The following KDELR3 variants were observed in gnomAD, a reference collection of about 807,000 sequenced individuals.
KDELR3 encodes ER lumen protein-retaining receptor 3.
In KDELR3, 26 loss-of-function variants were observed where a neutral mutation model predicts 22.7. The ratio of observed to expected loss-of-function variants is 1.15; its 90% CI spans 0.84 to 1.59. The LOEUF (loss-of-function observed/expected upper bound fraction) is 1.59. Ranked by LOEUF, KDELR3 falls within the 40% of genes most tolerant of loss-of-function variation. The pLI, the probability that KDELR3 is intolerant of heterozygous loss-of-function variation, is 0.00. For missense variants in KDELR3, 289 were observed against 251.1 expected (o/e 1.15, Z -1.02); for synonymous variants, 120 against 98.2 (o/e 1.22, Z -1.31).
intron 2 of KDELR3, among the ~76,000 whole-genome samples, chr22:38,478,924 T>A (rs1254223832): frequency 6.6e-6 from 1 of 152,034 alleles, no homozygotes; most frequent in Non-Finnish European, 1.5e-5. Flanking sequence ...ATTACAGGTG[T>A]GAGCCTCCAC....
intron 2 of KDELR3, among the ~76,000 whole-genome samples, chr22:38,479,089 G>A (rs1031991016): frequency 2.6e-5 from 4 of 152,064 alleles, no homozygotes; most frequent in Admixed American, 2.0e-4. Flanking sequence ...TTAGTTCAAG[G>A]GATGTTAGCA....
chr22:38,481,687 T>G lies in KDELR3; in HGVS notation c.604+223T>G, dbSNP rs1447375620. On this transcript the variant is annotated intron_variant, in intron 4 of 4. Coordinates refer to ENST00000216014, the MANE Select transcript of KDELR3 (RefSeq NM_006855.4). ...TATGCAAGACAGCTGTGAGATGACATTTGACAGAATACTTGGTTAGTAGTG... is the reference window on the plus strand; with the variant it reads ...TATGCAAGACAGCTGTGAGATGACAGTTGACAGAATACTTGGTTAGTAGTG... 4 of 1,356,484 alleles carry G rather than the reference T, an allele frequency of 2.9e-6. No individual in the cohort carries two copies. The African/African-American group carries it at 4.4e-5, about 15-fold the overall frequency. The allele number at this position is 1,356,484 out of a possible 1,614,324, so 84.0% of individuals were successfully genotyped here. A position where few individuals can be genotyped will look rare whatever the true frequency, so the allele number is the denominator to read the frequency against.
chr22:38,480,594 A>G lies in KDELR3; in HGVS notation c.352-618A>G, dbSNP rs571393683. ...AACCCTGTCTCTACTGAAAAATAGA[A>G]AAAAAAAAATTAGCCGAGCGTGGTG... On this transcript the variant is annotated intron_variant, in intron 3 of 4. Coordinates refer to ENST00000216014, the MANE Select transcript of KDELR3 (RefSeq NM_006855.4). 3.3e-5 allele frequency among the ~76,000 whole-genome samples: 5 copies of G among 150,608 alleles called. No homozygotes were observed. The East Asian group carries it at 9.8e-4, about 29-fold the overall frequency.
chr22:38,471,744 A>G (rs865799938), intron 1 of KDELR3, among the ~76,000 whole-genome samples: 7 of 151,970 alleles, frequency 4.6e-5, no homozygotes, highest in Non-Finnish European at 7.4e-5. Context: ...CAGGAGGATC[A>G]CCTGAGCCCA....
At chr22:38,468,675 A>C (rs971237964) in intron 1 of KDELR3, among the ~76,000 whole-genome samples, 1 of 151,974 alleles carries the variant, frequency 6.6e-6, no homozygotes, top group African/African-American at 2.4e-5. Flanking sequence ...GGAGAAGCAG[A>C]TATGCACTCA....
At chr22:38,477,992 G>A (rs1281826299) in intron 2 of KDELR3, among the ~76,000 whole-genome samples, 1 of 152,192 alleles carries the variant, frequency 6.6e-6, no homozygotes, top group Non-Finnish European at 1.5e-5. Flanking sequence ...AGGAGCTGGG[G>A]ATTAGGAGGT....
At chr22:38,470,906 T>A (rs1346387453) in intron 1 of KDELR3, among the ~76,000 whole-genome samples, 1 of 151,984 alleles carries the variant, frequency 6.6e-6, no homozygotes, top group African/African-American at 2.4e-5. Flanking sequence ...CACTTTGGGA[T>A]GCCAAGGCGG....
At chr22:38,474,747 T>A (rs566846913) in intron 2 of KDELR3, 124 bp downstream of exon 2, 5 of 731,964 alleles carry the variant, frequency 6.8e-6, no homozygotes, top group Admixed American at 6.7e-5. Context: ...ACTTTGCTGC[T>A]TAGTGGCTGC....
At chr22:38,478,628 G>GTTT (rs1569133063) in intron 2 of KDELR3, among the ~76,000 whole-genome samples, 2 of 24,140 alleles carry the variant, frequency 8.3e-5, no homozygotes, top group African/African-American at 2.7e-4. Context: ...CAGCATCTGT[G>GTTT]ATTTTTTTTT....
At chr22:38,479,328 TCCACAAATGAAGG>T (rs1602661973) in intron 2 of KDELR3, among the ~76,000 whole-genome samples, 2 of 152,228 alleles carry the variant, frequency 1.3e-5, no homozygotes, top group East Asian at 3.9e-4. Flanking sequence ...CACCTAATGC[TCCACAAATGAAGG>T]GGACGACAAG....
intron 1 of KDELR3, among the ~76,000 whole-genome samples, chr22:38,469,380 C>T (rs5995579): frequency 0.023 from 3,458 of 152,126 alleles, 68 homozygotes; most frequent in African/African-American, 0.047. Context: ...GTTTGGGAGC[C>T]GGGAAGGGGC....
At chr22:38,474,399 A>G in intron 1 of KDELR3, 124 bp from the exon 2 acceptor site, 5 of 686,802 alleles carry the variant, frequency 7.3e-6, no homozygotes, top group Non-Finnish European at 1.0e-5. Context: ...TGCCCTGGAC[A>G]GGAGGTCTTT....
chr22:38,472,138 C>T (rs62228894), intron 1 of KDELR3, among the ~76,000 whole-genome samples: 4,865 of 152,132 alleles, frequency 0.032, 116 homozygotes, highest in East Asian at 0.12. Context: ...CCTGAAACCA[C>T]GGGTTAAACC....
Position 38,479,649 on chromosome 22 carries a change from T to G in KDELR3, c.249T>G (p.Arg83=). ...TGTACATGATATATGGGAAATTCCG[T>G]AAAACTTTTGACAGTGAGAATGACA... The part of the protein sequence containing the change: ...VTVYMIYGKF[R]KTFDSENDTF... The change falls in exon 3 of 5, where the codon CGT becomes CGG. Residue 83 remains arginine (R), a synonymous_variant. Coordinates refer to ENST00000216014, the MANE Select transcript of KDELR3 (RefSeq NM_006855.4). 3.1e-6 allele frequency: 5 copies of G among 1,614,118 alleles called. No homozygotes were observed. Among genetic ancestry groups the G allele is most frequent in the Non-Finnish European group, 3.4e-6 (4 of 1,179,924 alleles).
chr22:38,470,027 C>T (rs2089515111), intron 1 of KDELR3, among the ~76,000 whole-genome samples: 1 of 151,862 alleles, frequency 6.6e-6, no homozygotes, highest in African/African-American at 2.4e-5. Context: ...GCCATGTTGG[C>T]CAGGCTGGTC....
intron 2 of KDELR3, among the ~76,000 whole-genome samples, chr22:38,478,286 C>T (rs1368813096): frequency 1.3e-5 from 2 of 151,980 alleles, no homozygotes; most frequent in Non-Finnish European, 2.9e-5. Context: ...TGGCTCATGC[C>T]TATAATCCCA....
chr22:38,477,493 G>A (rs112155315), intron 2 of KDELR3, among the ~76,000 whole-genome samples: 4,197 of 152,242 alleles, frequency 0.028, 200 homozygotes, highest in African/African-American at 0.096. Context: ...GAGAGCCACC[G>A]TGCCTGGCCT....
chr22:38,470,264 C>G (rs924651740), intron 1 of KDELR3, among the ~76,000 whole-genome samples: 4 of 151,802 alleles, frequency 2.6e-5, no homozygotes, highest in Admixed American at 1.3e-4. Flanking sequence ...GCTGGGATTA[C>G]AGACGCCCGC....
rs1437289852 is a variant in KDELR3 at position 38,483,391 on chromosome 22, C to T, written c.*855C>T. 5 of 152,146 alleles carry T rather than the reference C, an allele frequency of 3.3e-5. No individual in the cohort carries two copies. Among genetic ancestry groups the T allele is most frequent in the African/African-American group, 7.2e-5 (3 of 41,426 alleles). The allele number at this position is 152,146 out of a possible 1,614,324, so 9.4% of individuals were successfully genotyped here. A position where few individuals can be genotyped will look rare whatever the true frequency, so the allele number is the denominator to read the frequency against. On this transcript the variant is annotated 3_prime_UTR_variant, in exon 5 of 5. Coordinates refer to ENST00000216014, the MANE Select transcript of KDELR3 (RefSeq NM_006855.4). ...TCTTGAAACAAAAACTGTTTTAAGA[C>T]GTCTACGTTGAATTATTCAGAGAAT...
Sources: allele counts gnomAD v4.1 joint callset (sites outside exome capture counted in the v4.1 genomes callset), GRCh38; gene constraint gnomAD v4.1.1; transcripts MANE v1.5; gene names NCBI Gene and HGNC (gene_info 2026-07-23, HGNC 2026-07-21).